Variants in DLEC1 observed in about 807,000 individuals in gnomAD.
The protein encoded by DLEC1 is DLEC1 cilia and flagella associated protein.
Under a neutral mutation model 198.1 loss-of-function variants are expected in DLEC1, and 146 were observed. That is an observed-to-expected ratio of 0.74 (90% CI 0.64 to 0.85). The LOEUF (loss-of-function observed/expected upper bound fraction) is 0.85, where lower values mean the gene tolerates loss of function less well. Among genes scored for constraint, DLEC1 ranks in the 40% least tolerant of loss-of-function variants. The pLI, the probability that DLEC1 is intolerant of heterozygous loss-of-function variation, is 0.00. For synonymous variants in DLEC1, 897 were observed against 866.8 expected (o/e 1.03, Z -0.61); for missense variants, 2,233 against 2,220.0 (o/e 1.01, Z -0.12).
intron 1 of DLEC1, among the ~76,000 whole-genome samples, chr3:38,044,807 G>A (rs1313215463): frequency 6.6e-6 from 1 of 152,204 alleles, no homozygotes; most frequent in African/African-American, 2.4e-5. Flanking sequence ...TTGGCTGGTT[G>A]AATAGTCAAT....
At chr3:38,101,580 T>C (rs1699308357) in intron 19 of DLEC1, among the ~76,000 whole-genome samples, 2 of 152,222 alleles carry the variant, frequency 1.3e-5, no homozygotes, top group South Asian at 4.1e-4. Flanking sequence ...TGTAAAAACA[T>C]TTAAATGCTC....
rs770428271 is a variant in DLEC1, at chr3:38,086,273, A to T, written c.1468A>T (p.Ile490Phe). ...GGTGTTGGACTGTGGTTACTGCCTC[A>T]TTGGGGGAGTCAAGATGACCAGATT... ...SPVLDCGYCL[I>F]GGVKMTRFIC... Residue 490 changes from isoleucine (I) to phenylalanine (F), a missense_variant, in exon 9 of 37, where the codon ATT becomes TTT. Physicochemically the swap from Ile to Phe is conservative, Grantham distance 21. Transcript: ENST00000308059. 6.2e-7 allele frequency: 1 copy of T among 1,612,916 alleles called. No homozygotes were observed.
intron 8 of DLEC1, 106 bp downstream of exon 8, chr3:38,085,553 T>G: frequency 7.1e-7 from 1 of 1,416,896 alleles, no homozygotes; most frequent in Non-Finnish European, 9.6e-7. Flanking sequence ...AGCTTGGCTC[T>G]CTTGGGCAGG....
At position 38,121,867 on chromosome 3, in the gene DLEC1, G is replaced by A. The variant is rs545050167; in HGVS notation, c.5020+86G>A. 1.5e-4 allele frequency: 238 copies of A among 1,541,342 alleles called. No individual in the cohort carries two copies. In the African/African-American group the frequency reaches 1.7e-3, roughly 11 times the overall value. On this transcript the variant is annotated intron_variant, in intron 35 of 36. Coordinates refer to ENST00000308059, the MANE Select transcript of DLEC1 (RefSeq NM_007335.4). Reference sequence around the variant, plus strand: ...CCCCAGGAAGGGGCCCCTGTGCGCCGTCCCTGCATGCTGGCTCCCAGGGCA... The same window carrying A: ...CCCCAGGAAGGGGCCCCTGTGCGCCATCCCTGCATGCTGGCTCCCAGGGCA...
In DLEC1 at chr3:38,039,254, G is replaced by C. The variant is rs750066346; in HGVS notation, c.29G>C (p.Arg10Thr). METRSSKTR[R>T]SLASRTNECQ... ...GAGACCAGGAGCTCCAAAACGCGGA[G>C]GTCTTTAGCGTCCCGGACCAACGAG... The change falls in exon 1 of 37, where the codon AGG becomes ACG. Residue 10 changes from arginine (R) to threonine (T), a missense_variant. Arg to Thr is a moderately conservative substitution (Grantham distance 71, BLOSUM62 -1). Coordinates refer to ENST00000308059, the MANE Select transcript of DLEC1 (RefSeq NM_007335.4). 1.9e-6 allele frequency: 3 copies of C among 1,611,916 alleles called. No individual in the cohort carries two copies. In the Admixed American group the frequency reaches 5.0e-5, roughly 27 times the overall value.
At chr3:38,104,782 T>G (rs1423917215) in intron 19 of DLEC1, among the ~76,000 whole-genome samples, 1 of 152,160 alleles carries the variant, frequency 6.6e-6, no homozygotes, top group Non-Finnish European at 1.5e-5. Flanking sequence ...TTCTATTTTC[T>G]ATTTCATTTA....
chr3:38,109,391 G>T lies in DLEC1; in HGVS notation c.3130-41G>T, dbSNP rs1044048067. On this transcript the variant is annotated intron_variant, in intron 21 of 36. Transcript: ENST00000308059. ...AGACCATCTGGGCTCATCTTCAGAG[G>T]CCCCAGGCCTGGTCTGACCCCTGGA... 2.5e-6 allele frequency: 4 copies of T among 1,610,970 alleles called. No homozygotes were observed. The African/African-American group carries it at 5.3e-5, about 22-fold the overall frequency.
chr3:38,077,041 A>G (rs968159686), intron 6 of DLEC1, among the ~76,000 whole-genome samples: 1 of 152,158 alleles, frequency 6.6e-6, no homozygotes, highest in African/African-American at 2.4e-5. Context: ...AGAAGGAGAA[A>G]AACAGATATA....
intron 2 of DLEC1, 22 bp downstream of exon 2, chr3:38,045,715 A>G: frequency 6.3e-7 from 1 of 1,586,810 alleles, no homozygotes; most frequent in East Asian, 2.3e-5. Flanking sequence ...GAACTCCCAC[A>G]TGCCTGCCCA....
In DLEC1 at chr3:38,107,588, CT is replaced by C. The variant is rs1361308716; in HGVS notation, c.2871del (p.Pro958LeufsTer60). 3 of 1,604,264 alleles carry C rather than the reference CT, an allele frequency of 1.9e-6. No homozygotes were observed. Among genetic ancestry groups the C allele is most frequent in the Non-Finnish European group, 2.6e-6 (3 of 1,174,438 alleles). On this transcript the variant is annotated frameshift_variant, in exon 20 of 37. Coordinates refer to ENST00000308059, the MANE Select transcript of DLEC1 (RefSeq NM_007335.4). LOFTEE classifies it high-confidence loss of function. Reference sequence around the variant, plus strand: ...TTTTGTTTCCTCGTGTTCCAGCTACCTTCCTGTGTATGCTGAGGTACAGAAG... The same window carrying C: ...TTTTGTTTCCTCGTGTTCCAGCTACCTCCTGTGTATGCTGAGGTACAGAAG... ...LEVENGAWSY[L>X]PVYAEVQKPH...
At chr3:38,086,105 C>G (rs1698440858) in intron 8 of DLEC1, 136 bp from the exon 9 acceptor site, 2 of 1,261,658 alleles carry the variant, frequency 1.6e-6, no homozygotes, top group South Asian at 3.3e-5. Flanking sequence ...CATGTCCCCA[C>G]TCATCCTCTC....
At chr3:38,105,969 G>A (rs1699547591) in intron 19 of DLEC1, among the ~76,000 whole-genome samples, 1 of 151,688 alleles carries the variant, frequency 6.6e-6, no homozygotes. Context: ...GGTTGTCCAG[G>A]GCTTTATAGT....
At chr3:38,041,203 T>C (rs1020142859) in intron 1 of DLEC1, among the ~76,000 whole-genome samples, 1 of 152,002 alleles carries the variant, frequency 6.6e-6, no homozygotes, top group Non-Finnish European at 1.5e-5. Flanking sequence ...AGGGTTTCAC[T>C]GTGTTAGCCA....
intron 2 of DLEC1, 128 bp downstream of exon 2, chr3:38,045,821 A>G: frequency 2.1e-6 from 2 of 971,734 alleles, no homozygotes; most frequent in Non-Finnish European, 3.0e-6. Context: ...ACATGATAAT[A>G]TGAATATTAC....
At chr3:38,062,909 G>C (rs1292444550) in intron 5 of DLEC1, 108 bp downstream of exon 5, 2 of 1,206,236 alleles carry the variant, frequency 1.7e-6, no homozygotes, top group Non-Finnish European at 2.3e-6. Context: ...TGTGGGGCAG[G>C]GTAGCAGTAT....
intron 6 of DLEC1, among the ~76,000 whole-genome samples, chr3:38,079,525 G>A (rs543126839): frequency 2.0e-5 from 3 of 152,298 alleles, no homozygotes; most frequent in Admixed American, 1.3e-4. Flanking sequence ...GAGGCGATCG[G>A]GCAGCATCAG....
chr3:38,078,281 T>A (rs1451529675), intron 6 of DLEC1, among the ~76,000 whole-genome samples: 1 of 152,118 alleles, frequency 6.6e-6, no homozygotes, highest in Non-Finnish European at 1.5e-5. Context: ...TTTTGGAAGT[T>A]ATGAGAAATG....
In DLEC1 at chr3:38,109,526, TG is replaced by T. The variant is rs760887326; in HGVS notation, c.3226del (p.Ala1076ProfsTer33). 1 of 1,614,198 alleles carries T rather than the reference TG, an allele frequency of 6.2e-7. No homozygotes were observed. Among genetic ancestry groups the T allele is most frequent in the Non-Finnish European group, 8.5e-7 (1 of 1,180,022 alleles). On this transcript the variant is annotated frameshift_variant, in exon 22 of 37. Coordinates refer to ENST00000308059, the MANE Select transcript of DLEC1 (RefSeq NM_007335.4). LOFTEE classifies it high-confidence loss of function. ...GISGKPQGLQ[V>X]AITISKESSD... Reference sequence around the variant, plus strand: ...TCTGGGAAGCCCCAGGGACTGCAAGTGGCCATTACCATCTCTAAGGAGAGCT... The same window carrying T: ...TCTGGGAAGCCCCAGGGACTGCAAGTGCCATTACCATCTCTAAGGAGAGCT...
At chr3:38,053,233 G>A (rs1020706975) in intron 2 of DLEC1, among the ~76,000 whole-genome samples, 112 of 152,030 alleles carry the variant, frequency 7.4e-4, no homozygotes, top group African/African-American at 2.5e-3. Context: ...AGTGAGGAGC[G>A]TCTCTGCCTG....
Sources: allele counts gnomAD v4.1 joint callset (sites outside exome capture counted in the v4.1 genomes callset), GRCh38; gene constraint gnomAD v4.1.1; transcripts MANE v1.5; gene names NCBI Gene and HGNC (gene_info 2026-07-23, HGNC 2026-07-21).